GRIN2A: variants seen among roughly 807,000 people sequenced by gnomAD.
The protein encoded by GRIN2A is glutamate receptor ionotropic, NMDA 2A.
GRIN2A carries 22 observed loss-of-function variants against 113.4 expected under a neutral mutation model. The ratio of observed to expected loss-of-function variants is 0.19; its 90% CI spans 0.14 to 0.28. The LOEUF is 0.28. Ranked by LOEUF, GRIN2A falls within the 10% of genes least tolerant of loss-of-function variation. The pLI is 1.00. For missense variants in GRIN2A, 1,502 were observed against 1,887.0 expected (o/e 0.80, Z 3.78); for synonymous variants, 827 against 738.4 (o/e 1.12, Z -1.94).
intron 2 of GRIN2A, among the ~76,000 whole-genome samples, chr16:9,983,262 C>A (rs1007311440): frequency 6.6e-6 from 1 of 152,124 alleles, no homozygotes; most frequent in African/African-American, 2.4e-5. Context: ...GTGGCTACAC[C>A]CTTCCTGGCC....
chr16:9,890,631 T>C (rs1283304839), intron 4 of GRIN2A, among the ~76,000 whole-genome samples: 1 of 152,238 alleles, frequency 6.6e-6, no homozygotes, highest in Non-Finnish European at 1.5e-5. Context: ...GGTACACAAT[T>C]AGGAAGTTTA....
chr16:9,787,245 G>T (rs1199587764), intron 11 of GRIN2A, among the ~76,000 whole-genome samples: 1 of 152,124 alleles, frequency 6.6e-6, no homozygotes, highest in Non-Finnish European at 1.5e-5. Context: ...AAACACTGAG[G>T]CTTCATGCAC....
At chr16:9,993,540 G>A (rs907928182) in intron 2 of GRIN2A, among the ~76,000 whole-genome samples, 4 of 152,116 alleles carry the variant, frequency 2.6e-5, no homozygotes, top group South Asian at 4.1e-4. Flanking sequence ...TGGGTGACAC[G>A]AAGTGAGAAC....
At chr16:9,794,663 A>C (rs1902857682) in intron 11 of GRIN2A, 1 of 152,258 alleles carries the variant, frequency 6.6e-6, no homozygotes, top group African/African-American at 2.4e-5. Flanking sequence ...CCCAAACCCA[A>C]GTCTGACCAG....
chr16:10,122,518 G>T (rs1048973779), intron 2 of GRIN2A, among the ~76,000 whole-genome samples: 2 of 152,042 alleles, frequency 1.3e-5, no homozygotes, highest in Admixed American at 6.6e-5. Context: ...AGAGGCATGC[G>T]GCTGTCAGAT....
chr16:10,170,702 C>T (rs1461489356), intron 2 of GRIN2A, among the ~76,000 whole-genome samples: 1 of 151,520 alleles, frequency 6.6e-6, no homozygotes, highest in Admixed American at 6.6e-5. Context: ...ATGGTGAGAC[C>T]CCCGTCTCTA....
rs970515443 is a variant in GRIN2A, at chr16:9,757,728, A to T, written c.*5421T>A. ...TTTTATCTTCAGTTTGAGGTTTTAA[A>T]CAATATCCCTGTTGATTTTTCCTAA... On this transcript the variant is annotated 3_prime_UTR_variant, in exon 13 of 13. Coordinates refer to ENST00000330684, the MANE Select transcript of GRIN2A (RefSeq NM_001134407.3). 3 of 216,552 alleles carry T rather than the reference A, an allele frequency of 1.4e-5. No homozygotes were observed. In the Admixed American group the frequency reaches 1.7e-4, roughly 13 times the overall value. 13.4% of individuals were successfully genotyped at this position (216,552 alleles called of 1,614,324 possible).
chr16:9,928,772 C>T (rs557921549), intron 3 of GRIN2A, among the ~76,000 whole-genome samples: 8 of 152,292 alleles, frequency 5.3e-5, no homozygotes, highest in Middle Eastern at 3.4e-3. Flanking sequence ...CCTCATCCGT[C>T]GAGACCCAAA....
At chr16:9,993,574 A>T (rs957886674) in intron 2 of GRIN2A, among the ~76,000 whole-genome samples, 39 of 152,120 alleles carry the variant, frequency 2.6e-4, no homozygotes, top group African/African-American at 9.4e-4. Flanking sequence ...AAAATAAATA[A>T]TAAATAAATC....
At chr16:9,774,130 G>A (rs1037510503) in intron 11 of GRIN2A, among the ~76,000 whole-genome samples, 1 of 152,180 alleles carries the variant, frequency 6.6e-6, no homozygotes, top group Admixed American at 6.5e-5. Context: ...TAGACAAAAG[G>A]CACAGACAGG....
At chr16:9,799,318 C>T (rs539997084) in intron 10 of GRIN2A, among the ~76,000 whole-genome samples, 14 of 152,238 alleles carry the variant, frequency 9.2e-5, no homozygotes, top group South Asian at 8.3e-4. Context: ...ACAGGGAGAA[C>T]GCCATATGAA....
chr16:10,122,538 A>G (rs575557060), intron 2 of GRIN2A, among the ~76,000 whole-genome samples: 1 of 152,214 alleles, frequency 6.6e-6, no homozygotes, highest in Admixed American at 6.5e-5. Flanking sequence ...TCTCTCCCAG[A>G]AAGTTTCGCT....
intron 2 of GRIN2A, among the ~76,000 whole-genome samples, chr16:10,106,743 G>GA (rs1275805225): frequency 6.6e-6 from 1 of 152,080 alleles, no homozygotes; most frequent in Non-Finnish European, 1.5e-5. Flanking sequence ...CACTTCTAGA[G>GA]AAAAAAGGAG....
intron 3 of GRIN2A, among the ~76,000 whole-genome samples, chr16:9,935,583 A>G (rs1349922314): frequency 6.6e-6 from 1 of 151,314 alleles, no homozygotes; most frequent in Non-Finnish European, 1.5e-5. Flanking sequence ...GTTCAGAGAT[A>G]ACCTCTGAAC....
chr16:10,070,515 A>C (rs566654305), intron 2 of GRIN2A, among the ~76,000 whole-genome samples: 1 of 149,574 alleles, frequency 6.7e-6, no homozygotes, highest in Admixed American at 6.6e-5. Flanking sequence ...TTGTAATTAC[A>C]GTTAAAAAAA....
At chr16:9,976,357 C>T (rs1432452746) in intron 2 of GRIN2A, among the ~76,000 whole-genome samples, 4 of 152,160 alleles carry the variant, frequency 2.6e-5, no homozygotes, top group African/African-American at 2.4e-5. Context: ...CTTATGTAAC[C>T]TAACTCTCTC....
intron 2 of GRIN2A, among the ~76,000 whole-genome samples, chr16:10,098,295 T>TA (rs2048332312): frequency 6.6e-6 from 1 of 151,850 alleles, no homozygotes; most frequent in African/African-American, 2.4e-5. Context: ...AATCAAAAAA[T>TA]TAAAAAAATA....
At chr16:9,873,526 C>T (rs1210771460) in intron 4 of GRIN2A, among the ~76,000 whole-genome samples, 1 of 145,252 alleles carries the variant, frequency 6.9e-6, no homozygotes, top group East Asian at 2.0e-4. Context: ...CAAAGTGAGA[C>T]ACCCCCCATC....
chr16:10,032,694 G>A (rs959017223), intron 2 of GRIN2A, among the ~76,000 whole-genome samples: 2 of 152,216 alleles, frequency 1.3e-5, no homozygotes, highest in African/African-American at 2.4e-5. Flanking sequence ...AGGGTTGAAC[G>A]AACACAGTTT....
Sources: gnomAD v4.1 joint callset for allele counts (sites outside exome capture counted in the v4.1 genomes callset) on GRCh38, gnomAD v4.1.1 for gene constraint, MANE v1.5 for transcripts, NCBI Gene and HGNC (gene_info 2026-07-23, HGNC 2026-07-21) for gene names.